ASTN2: variants seen among roughly 807,000 people sequenced by gnomAD.
The protein encoded by ASTN2 is astrotactin 2.
A neutral mutation model predicts 139.8 loss-of-function variants in ASTN2; 54 were observed. The ratio of observed to expected loss-of-function variants is 0.39; its 90% confidence interval spans 0.31 to 0.48. The LOEUF (loss-of-function observed/expected upper bound fraction) is 0.48, where lower values mean the gene tolerates loss of function less well. Ranked by LOEUF, ASTN2 falls within the 20% of genes least tolerant of loss-of-function variation. ASTN2 has a pLI of 0.95. For missense variants in ASTN2, 1,565 were observed against 1,725.1 expected (o/e 0.91, Z 1.64); for synonymous variants, 756 against 719.5 (o/e 1.05, Z -0.81).
chr9:116,807,268 C>T (rs1230326610), intron 12 of ASTN2, among the ~76,000 whole-genome samples: 1 of 152,150 alleles, frequency 6.6e-6, no homozygotes, highest in Non-Finnish European at 1.5e-5. Flanking sequence ...AAAATGTACA[C>T]AGGTTGTGGG....
intron 20 of ASTN2, among the ~76,000 whole-genome samples, chr9:116,471,286 G>A (rs770932495): frequency 2.6e-4 from 39 of 152,210 alleles, no homozygotes; most frequent in Non-Finnish European, 4.7e-4. Context: ...GAGTCAGATA[G>A]GCAGCTCACC....
At chr9:117,160,702 G>T (rs1226353960) in intron 3 of ASTN2, among the ~76,000 whole-genome samples, 1 of 151,940 alleles carries the variant, frequency 6.6e-6, no homozygotes, top group Admixed American at 6.6e-5. Context: ...AATGTAGTAG[G>T]CACTCAGTAA....
At chr9:116,498,755 G>A (rs1242286317) in intron 19 of ASTN2, among the ~76,000 whole-genome samples, 1 of 152,188 alleles carries the variant, frequency 6.6e-6, no homozygotes, top group Non-Finnish European at 1.5e-5. Flanking sequence ...TAATAAAAAT[G>A]CCAGGTCAGT....
chr9:116,440,883 G>A, intron 21 of ASTN2, 91 bp from the exon 22 acceptor site: 1 of 1,317,116 alleles, frequency 7.6e-7, no homozygotes, highest in Non-Finnish European at 1.0e-6. Flanking sequence ...GCACAGTGGT[G>A]AGAAAGTTTG....
At chr9:117,253,353 C>T (rs1406161869) in intron 2 of ASTN2, among the ~76,000 whole-genome samples, 2 of 152,166 alleles carry the variant, frequency 1.3e-5, no homozygotes, top group Admixed American at 6.5e-5. Context: ...AATAGCAATG[C>T]CCTCTGGAAT....
chr9:116,949,548 GA>G (rs1016786687), intron 10 of ASTN2, among the ~76,000 whole-genome samples: 2 of 152,184 alleles, frequency 1.3e-5, no homozygotes, highest in African/African-American at 4.8e-5. Flanking sequence ...AAGTTGATGT[GA>G]AGGCCCTGGT....
At chr9:116,912,937 C>T (rs748703725) in intron 10 of ASTN2, among the ~76,000 whole-genome samples, 12 of 152,040 alleles carry the variant, frequency 7.9e-5, no homozygotes, top group African/African-American at 1.4e-4. Context: ...CTCACTCTGT[C>T]GCCCAGGCTG....
At chr9:116,807,194 A>T (rs1831050848) in intron 12 of ASTN2, among the ~76,000 whole-genome samples, 1 of 152,206 alleles carries the variant, frequency 6.6e-6, no homozygotes, top group African/African-American at 2.4e-5. Flanking sequence ...ATTGAAGCTA[A>T]CCGCAAAGGG....
At chr9:116,729,898 G>A (rs1437342798) in intron 14 of ASTN2, among the ~76,000 whole-genome samples, 3 of 152,118 alleles carry the variant, frequency 2.0e-5, no homozygotes, top group East Asian at 1.9e-4. Context: ...TTGTATGAAA[G>A]GTCCTTTGGA....
chr9:116,687,549 G>A (rs1860326759), intron 16 of ASTN2, among the ~76,000 whole-genome samples: 1 of 144,508 alleles, frequency 6.9e-6, no homozygotes, highest in South Asian at 2.4e-4. Flanking sequence ...GTGGGGCTGC[G>A]AGGGGCAGGC....
At chr9:117,156,450 G>C (rs929183436) in intron 3 of ASTN2, among the ~76,000 whole-genome samples, 1 of 152,024 alleles carries the variant, frequency 6.6e-6, no homozygotes, top group Non-Finnish European at 1.5e-5. Context: ...ACTGTCTGAT[G>C]CATTGTAAGG....
rs542660338 is a variant in ASTN2, at chr9:117,399,063, C to T, written c.442+15434G>A. Among the ~76,000 whole-genome samples, 53 of 152,230 alleles carry T rather than the reference C, an allele frequency of 3.5e-4. 1 individual carries two copies. Among genetic ancestry groups the T allele is most frequent in the Non-Finnish European group, 6.8e-4 (46 of 68,006 alleles). On this transcript the variant is annotated intron_variant, in intron 1 of 22. Transcript: ENST00000313400. ...CCTCCCAAAGTGCTGGGATTACAGG[C>T]GTGAGCCACCGCGCCTGACCCAAAA...
chr9:117,120,018 G>GTGTGTATATATATATATA (rs1306397698), intron 4 of ASTN2, among the ~76,000 whole-genome samples: 717 of 45,740 alleles, frequency 0.016, 11 homozygotes, highest in Non-Finnish European at 0.022. Context: ...GTGTGTGTGT[G>GTGTGTATATATATATATA]TATATATATA....
intron 11 of ASTN2, among the ~76,000 whole-genome samples, chr9:116,842,137 C>T (rs1221282879): frequency 6.6e-6 from 1 of 152,122 alleles, no homozygotes; most frequent in Non-Finnish European, 1.5e-5. Context: ...GTGGGAAGGG[C>T]CCTGTAATGA....
intron 2 of ASTN2, among the ~76,000 whole-genome samples, chr9:117,286,524 T>C (rs1834455243): frequency 6.6e-6 from 1 of 152,090 alleles, no homozygotes; most frequent in Admixed American, 6.5e-5. Flanking sequence ...ATACCAACAC[T>C]AAAAGAACCT....
intron 1 of ASTN2, among the ~76,000 whole-genome samples, chr9:117,299,456 C>T (rs1834822022): frequency 6.6e-6 from 1 of 152,144 alleles, no homozygotes; most frequent in Non-Finnish European, 1.5e-5. Flanking sequence ...AAAAACTCTT[C>T]ATGGAGGAGT....
intron 13 of ASTN2, among the ~76,000 whole-genome samples, chr9:116,785,618 A>G (rs10732198): frequency 0.84 from 128,002 of 152,186 alleles, 54,049 homozygotes; most frequent in East Asian, 0.98. Context: ...TCCTGTCTCC[A>G]TCAATGGCAC....
chr9:116,902,747 TAA>T (rs1388264219), intron 10 of ASTN2, among the ~76,000 whole-genome samples: 5 of 152,214 alleles, frequency 3.3e-5, no homozygotes, highest in African/African-American at 1.2e-4. Flanking sequence ...CTGATTAATA[TAA>T]GTCTATCCTC....
intron 19 of ASTN2, among the ~76,000 whole-genome samples, chr9:116,562,843 A>T (rs1319442459): frequency 1.3e-5 from 2 of 151,736 alleles, no homozygotes; most frequent in African/African-American, 4.8e-5. Flanking sequence ...AGACAGAGGG[A>T]AGGTTCGGAA....
Sources: allele counts gnomAD v4.1 joint callset (sites outside exome capture counted in the v4.1 genomes callset), GRCh38; gene constraint gnomAD v4.1.1; transcripts MANE v1.5; gene names NCBI Gene and HGNC (gene_info 2026-07-23, HGNC 2026-07-21).